The following TFCP2L1 variants were observed in gnomAD, a reference collection of about 807,000 sequenced individuals.
The protein encoded by TFCP2L1 is transcription factor CP2-like protein 1.
TFCP2L1 carries 12 observed loss-of-function variants against 72.2 expected under a neutral mutation model. The observed-to-expected ratio is 0.17, with a 90% CI of 0.11 to 0.27. The LOEUF (loss-of-function observed/expected upper bound fraction) is 0.27. Ranked by LOEUF, TFCP2L1 falls within the 10% of genes least tolerant of loss-of-function variation. The probability of loss-of-function intolerance (pLI) is 1.00; values close to 1 mark genes in which losing one functional copy is unlikely to be tolerated. For missense variants in TFCP2L1, 488 were observed against 624.6 expected, an observed-to-expected ratio of 0.78 and a Z score of 2.33; for synonymous variants, 260 against 251.0, an observed-to-expected ratio of 1.04 and a Z score of -0.34.
chr2:121,250,827 A>G lies in TFCP2L1; in HGVS notation c.215-1180T>C, dbSNP rs544673088. Among the ~76,000 whole-genome samples, 36 of 151,800 alleles carry G rather than the reference A, an allele frequency of 2.4e-4. No homozygotes were observed. The East Asian group carries it at 6.1e-3, about 26-fold the overall frequency. ...TCACCATGTTAGCCAGGCTGGTCTC[A>G]AACTCCTGACCTCGTGATTCATCCA... On this transcript the variant is annotated intron_variant, in intron 2 of 14. Coordinates refer to ENST00000263707, the MANE Select transcript of TFCP2L1 (RefSeq NM_014553.3).
At chr2:121,258,843 T>G (rs755716702) in intron 2 of TFCP2L1, among the ~76,000 whole-genome samples, 1 of 152,148 alleles carries the variant, frequency 6.6e-6, no homozygotes, top group Non-Finnish European at 1.5e-5. Context: ...GAATAGATGA[T>G]AGGTGAGGGT....
In TFCP2L1 at chr2:121,217,528, G is replaced by C. The variant is rs1448161451; in HGVS notation, c.*6813C>G. The C allele has an allele frequency of 6.6e-6, 1 of 152,488 alleles. No individual in the cohort carries two copies. Among genetic ancestry groups the C allele is most frequent in the Non-Finnish European group, 1.5e-5 (1 of 68,266 alleles). 9.4% of individuals were successfully genotyped at this position (152,488 alleles called of 1,614,324 possible). Reference sequence around the variant, plus strand: ...GGATACCCTTATGGAGGGCCGGGGGGCGGCCCCTCAAAACCACCAAGCTGA... The same window carrying C: ...GGATACCCTTATGGAGGGCCGGGGGCCGGCCCCTCAAAACCACCAAGCTGA... On this transcript the variant is annotated 3_prime_UTR_variant, in exon 15 of 15. Transcript: ENST00000263707.
intron 1 of TFCP2L1, 68 bp downstream of exon 1, chr2:121,284,980 T>G: frequency 4.4e-6 from 6 of 1,379,174 alleles, no homozygotes; most frequent in Non-Finnish European, 5.7e-6. Flanking sequence ...TCTCCGCCCC[T>G]GGACGTCCAA....
At chr2:121,224,495 A>C in intron 14 of TFCP2L1, 108 bp from the exon 15 acceptor site, 2 of 1,095,522 alleles carry the variant, frequency 1.8e-6, no homozygotes, top group South Asian at 2.7e-5. Context: ...AGACCACCAA[A>C]ATAGGGCTGC....
At chr2:121,256,043 C>G (rs760854072) in intron 2 of TFCP2L1, among the ~76,000 whole-genome samples, 1 of 152,128 alleles carries the variant, frequency 6.6e-6, no homozygotes, top group Non-Finnish European at 1.5e-5. Flanking sequence ...GCCCGGCCCC[C>G]CTGAACTTCT....
chr2:121,269,918 A>AAAAAAAAAAAAAAAAAAAATATATAT, intron 2 of TFCP2L1, among the ~76,000 whole-genome samples: 5 of 115,176 alleles, frequency 4.3e-5, no homozygotes, highest in African/African-American at 1.5e-4. Flanking sequence ...AAAAAAAAAA[A>AAAAAAAAAAAAAAAAAAAATATATAT]ATATATATAT....
chr2:121,232,633 T>A (rs1444990390), intron 12 of TFCP2L1, among the ~76,000 whole-genome samples: 1 of 152,154 alleles, frequency 6.6e-6, no homozygotes, highest in Non-Finnish European at 1.5e-5. Context: ...CTTTTTGCTG[T>A]TTAAAGGGTT....
intron 2 of TFCP2L1, among the ~76,000 whole-genome samples, chr2:121,266,067 T>C (rs1171957755): frequency 6.6e-6 from 1 of 152,038 alleles, no homozygotes; most frequent in Admixed American, 6.6e-5. Flanking sequence ...TGTTTCCTTA[T>C]GTTGCCCAGG....
At position 121,248,253 on chromosome 2, in the gene TFCP2L1, CAACA is replaced by C; in HGVS notation, c.411_414del (p.Gly139SerfsTer11). On this transcript the variant is annotated frameshift_variant, in exon 5 of 15. Transcript: ENST00000263707. LOFTEE classifies it high-confidence loss of function. ...GGGCTGGCCCTGGGGTCCAAGATAC[CAACA>C]GACAGTGGAATATCTGCATACACAC... 1 of 1,613,806 alleles carries C rather than the reference CAACA, an allele frequency of 6.2e-7. No homozygotes were observed. The highest frequency in any genetic ancestry group is 8.5e-7 in the Non-Finnish European group (1 of 1,179,894).
In TFCP2L1 at chr2:121,217,448, C is replaced by T. The variant is rs1685855541; in HGVS notation, c.*6893G>A. 6.6e-6 allele frequency: 1 copy of T among 152,380 alleles called. No individual in the cohort carries two copies. Among genetic ancestry groups the T allele is most frequent in the South Asian group, 2.1e-4 (1 of 4,832 alleles). 9.4% of individuals were successfully genotyped at this position (152,380 alleles called of 1,614,324 possible). On this transcript the variant is annotated 3_prime_UTR_variant, in exon 15 of 15. Coordinates refer to ENST00000263707, the MANE Select transcript of TFCP2L1 (RefSeq NM_014553.3). ...CCTCGGACCCATCTCCCGTGGGACT[C>T]CTTCCATTTGAGGCTGTCCATCCTC...
intron 2 of TFCP2L1, among the ~76,000 whole-genome samples, chr2:121,254,767 C>T (rs1040756464): frequency 3.3e-5 from 5 of 151,330 alleles, no homozygotes; most frequent in African/African-American, 4.9e-5. Context: ...CATGCCACTG[C>T]GCTCCAGCCT....
intron 12 of TFCP2L1, among the ~76,000 whole-genome samples, chr2:121,232,532 A>G (rs6734261): frequency 6.6e-6 from 1 of 152,046 alleles, no homozygotes; most frequent in African/African-American, 2.4e-5. Flanking sequence ...TGACACCCAG[A>G]TGGGCTGAAG....
At position 121,218,976 on chromosome 2, in the gene TFCP2L1, G is replaced by T. The variant is rs1685881742; in HGVS notation, c.*5365C>A. On this transcript the variant is annotated 3_prime_UTR_variant, in exon 15 of 15. Transcript: ENST00000263707. The stretch of plus-strand genomic sequence containing the variant: ...GGCCCTCAAGCCCTGTCCCTAAGGG[G>T]CGATGGGAAGGAGGTGGCAATCAGA... 6.6e-6 allele frequency: 1 copy of T among 152,352 alleles called. No homozygotes were observed. The highest frequency in any genetic ancestry group is 1.5e-5 in the Non-Finnish European group (1 of 68,152). 9.4% of individuals were successfully genotyped at this position (152,352 alleles called of 1,614,324 possible). A position where few individuals can be genotyped will look rare whatever the true frequency, so the allele number is the denominator to read the frequency against.
intron 2 of TFCP2L1, among the ~76,000 whole-genome samples, chr2:121,264,128 T>G (rs1215491618): frequency 6.6e-6 from 1 of 152,162 alleles, no homozygotes; most frequent in African/African-American, 2.4e-5. Context: ...TGTGCCGGGC[T>G]GAGAGTGGTC....
chr2:121,221,453 A>G lies in TFCP2L1; in HGVS notation c.*2888T>C, dbSNP rs1488707008. On this transcript the variant is annotated 3_prime_UTR_variant, in exon 15 of 15. Transcript: ENST00000263707. ...ACGACACCATGTCCCAGGAAAGAAG[A>G]TCCAGTAAGAAGCAGAGGCCTTTAG... 3.9e-5 allele frequency: 6 copies of G among 152,216 alleles called. No individual in the cohort carries two copies. The highest frequency in any genetic ancestry group is 3.9e-4 in the Admixed American group (6 of 15,284). The allele number at this position is 152,216 out of a possible 1,614,324, so 9.4% of individuals were successfully genotyped here.
At chr2:121,271,168 C>G (rs568302425) in intron 2 of TFCP2L1, among the ~76,000 whole-genome samples, 1 of 148,460 alleles carries the variant, frequency 6.7e-6, no homozygotes, top group Non-Finnish European at 1.5e-5. Context: ...CCAGCCTGGG[C>G]GACAGGGCAA....
chr2:121,257,472 C>A (rs989375099), intron 2 of TFCP2L1, among the ~76,000 whole-genome samples: 7 of 152,166 alleles, frequency 4.6e-5, no homozygotes, highest in African/African-American at 1.7e-4. Context: ...TGTGCTTAGG[C>A]TCTGCCCCCT....
At chr2:121,273,035 C>T (rs758310682) in intron 2 of TFCP2L1, among the ~76,000 whole-genome samples, 7 of 152,324 alleles carry the variant, frequency 4.6e-5, no homozygotes, top group Non-Finnish European at 1.0e-4. Context: ...GCTGCACCCC[C>T]ATGCTTGCCT....
chr2:121,227,012 A>G (rs1686043625), intron 13 of TFCP2L1, among the ~76,000 whole-genome samples: 1 of 152,214 alleles, frequency 6.6e-6, no homozygotes, highest in Admixed American at 6.5e-5. Flanking sequence ...CATGAACCAG[A>G]TGTGATGGAA....
Sources: gnomAD v4.1 joint callset for allele counts (sites outside exome capture counted in the v4.1 genomes callset) on GRCh38, gnomAD v4.1.1 for gene constraint, MANE v1.5 for transcripts, NCBI Gene and HGNC (gene_info 2026-07-23, HGNC 2026-07-21) for gene names.